The following CCDC150 variants were observed in gnomAD, a reference collection of about 807,000 sequenced individuals.
CCDC150 encodes the protein coiled-coil domain-containing protein 150.
A neutral mutation model predicts 156.5 loss-of-function variants in CCDC150; 151 were observed. The observed-to-expected ratio is 0.97, with a 90% CI of 0.85 to 1.10. CCDC150 has a LOEUF of 1.10. Ranked by LOEUF, CCDC150 falls within the 50% of genes least tolerant of loss-of-function variation. The pLI, the probability that CCDC150 is intolerant of heterozygous loss-of-function variation, is 0.00. For missense variants in CCDC150, 1,312 were observed against 1,268.1 expected (o/e 1.03, Z -0.53); for synonymous variants, 452 against 429.4 (o/e 1.05, Z -0.65).
intron 8 of CCDC150, among the ~76,000 whole-genome samples, chr2:196,670,513 C>T (rs1575797893): frequency 6.6e-6 from 1 of 151,242 alleles, no homozygotes. Context: ...CTACAATGCA[C>T]ATCTGTATCA....
intron 9 of CCDC150, among the ~76,000 whole-genome samples, chr2:196,673,632 C>G (rs1432560642): frequency 1.3e-5 from 2 of 152,044 alleles, no homozygotes; most frequent in Non-Finnish European, 2.9e-5. Flanking sequence ...AAGATCTTTG[C>G]CAAATCTACC....
At position 196,726,224 on chromosome 2, in the gene CCDC150, T is replaced by A. The variant is rs936452523; in HGVS notation, c.2556+125T>A. The A allele has an allele frequency of 1.2e-5, 13 of 1,075,124 alleles. No homozygotes were observed. The African/African-American group carries it at 1.6e-4, about 13-fold the overall frequency. The allele number at this position is 1,075,124 out of a possible 1,614,324, so 66.6% of individuals were successfully genotyped here. The stretch of plus-strand genomic sequence containing the variant: ...ATCCCCCTTTGATCAGCAGGCCAGA[T>A]GTAATTAAGACCTCTCTGTAAAGCA... On this transcript the variant is annotated intron_variant, in intron 22 of 27. Coordinates refer to ENST00000389175, the MANE Select transcript of CCDC150 (RefSeq NM_001080539.2).
intron 13 of CCDC150, among the ~76,000 whole-genome samples, chr2:196,681,332 C>G (rs192895709): frequency 2.0e-5 from 3 of 152,072 alleles, no homozygotes; most frequent in African/African-American, 7.2e-5. Flanking sequence ...TATGTATGTG[C>G]ACGCACACAC....
chr2:196,729,545 C>T, intron 23 of CCDC150, 158 bp downstream of exon 23: 1 of 715,516 alleles, frequency 1.4e-6, no homozygotes. Flanking sequence ...AGTGGAGTCA[C>T]TGCTGTGTAA....
chr2:196,667,174 A>G (rs1575788957), intron 7 of CCDC150: 1 of 338,524 alleles, frequency 3.0e-6, no homozygotes, highest in South Asian at 3.3e-5. Flanking sequence ...ATATTTGATA[A>G]TAGAATATTA....
At chr2:196,650,613 C>G (rs972961344) in intron 2 of CCDC150, among the ~76,000 whole-genome samples, 15 of 152,274 alleles carry the variant, frequency 9.9e-5, no homozygotes, top group Admixed American at 8.5e-4. Context: ...AGGCTGATCT[C>G]AAACTCCTGA....
At chr2:196,716,677 A>C (rs73045579) in intron 17 of CCDC150, among the ~76,000 whole-genome samples, 3 of 152,188 alleles carry the variant, frequency 2.0e-5, no homozygotes, top group Admixed American at 2.0e-4. Flanking sequence ...GAAATGTTCA[A>C]TATCTTAATT....
At position 196,732,727 on chromosome 2, in the gene CCDC150, C is replaced by T. The variant is rs1366779693; in HGVS notation, c.*165C>T. On this transcript the variant is annotated 3_prime_UTR_variant, in exon 28 of 28. Transcript: ENST00000389175. ...CACTTTATGAACTCTTATATCAGTACAAAACTACCCCTTTTTTTGTCCCTT... is the reference window on the plus strand; with the variant it reads ...CACTTTATGAACTCTTATATCAGTATAAAACTACCCCTTTTTTTGTCCCTT... 2 of 461,362 alleles carry T rather than the reference C, an allele frequency of 4.3e-6. No individual in the cohort carries two copies. Among genetic ancestry groups the T allele is most frequent in the Non-Finnish European group, 7.7e-6 (2 of 258,534 alleles). 28.6% of individuals were successfully genotyped at this position (461,362 alleles called of 1,614,324 possible). A position where few individuals can be genotyped will look rare whatever the true frequency, so the allele number is the denominator to read the frequency against.
intron 2 of CCDC150, among the ~76,000 whole-genome samples, chr2:196,647,430 A>G (rs939635130): frequency 1.3e-5 from 2 of 152,126 alleles, no homozygotes; most frequent in African/African-American, 4.8e-5. Flanking sequence ...AACATATTTT[A>G]TCACTTGTTT....
intron 2 of CCDC150, 42 bp from the exon 3 acceptor site, chr2:196,656,591 A>C (rs761524345): frequency 8.1e-6 from 11 of 1,365,562 alleles, no homozygotes; most frequent in Non-Finnish European, 1.1e-5. Flanking sequence ...CCATAGTAGA[A>C]ATTGCATTGC....
chr2:196,716,963 C>T (rs966265274), intron 17 of CCDC150, among the ~76,000 whole-genome samples: 6 of 148,586 alleles, frequency 4.0e-5, no homozygotes, highest in Non-Finnish European at 3.0e-5. Context: ...TGGGTTCAAG[C>T]GATTCTCGTG....
intron 15 of CCDC150, among the ~76,000 whole-genome samples, chr2:196,701,610 G>C (rs1158956346): frequency 1.3e-5 from 2 of 152,168 alleles, no homozygotes; most frequent in Admixed American, 1.3e-4. Flanking sequence ...CAGGAAGCCT[G>C]CAACTGATAT....
At chr2:196,695,609 C>A (rs936774643) in intron 14 of CCDC150, among the ~76,000 whole-genome samples, 4 of 151,922 alleles carry the variant, frequency 2.6e-5, no homozygotes, top group African/African-American at 9.7e-5. Context: ...TTTGGGAGGC[C>A]GAGGCAGGTG....
At chr2:196,683,959 G>A (rs1206200452) in intron 13 of CCDC150, among the ~76,000 whole-genome samples, 1 of 151,900 alleles carries the variant, frequency 6.6e-6, no homozygotes, top group African/African-American at 2.4e-5. Flanking sequence ...GAACCAACTT[G>A]TGGAAGTTTT....
chr2:196,713,143 C>G (rs1055512075), intron 17 of CCDC150: 2 of 664,226 alleles, frequency 3.0e-6, no homozygotes, highest in Admixed American at 3.7e-5. Context: ...TAGATGCGCT[C>G]TCTGACAGGG....
At chr2:196,664,148 C>G (rs1693711328) in intron 5 of CCDC150, among the ~76,000 whole-genome samples, 1 of 152,096 alleles carries the variant, frequency 6.6e-6, no homozygotes, top group Admixed American at 6.5e-5. Context: ...CTTCTGACAC[C>G]TGAAGACACA....
rs369742781 is a variant in CCDC150, at chr2:196,657,042, G to A, written c.482G>A (p.Arg161His). The change falls in exon 4 of 28, where the codon CGC becomes CAC. Residue 161 changes from arginine to histidine, a missense_variant. Coordinates refer to ENST00000389175, the MANE Select transcript of CCDC150 (RefSeq NM_001080539.2). Reference sequence around the variant, plus strand: ...TTGCATCTCGAAGTTATGAATTTGCGCCAGCAACTGAGAGCTGTAAAAGAG... The same window carrying A: ...TTGCATCTCGAAGTTATGAATTTGCACCAGCAACTGAGAGCTGTAAAAGAG... Reference protein sequence around the residue: ...KLLHLEVMNLRQQLRAVKEEE... With the variant: ...KLLHLEVMNLHQQLRAVKEEE... 2.0e-5 allele frequency: 33 copies of A among 1,613,584 alleles called. No homozygotes were observed. The highest frequency in any genetic ancestry group is 1.6e-4 in the Middle Eastern group (1 of 6,082).
Position 196,729,859 on chromosome 2 carries a change from C to G in CCDC150, c.2818C>G (p.Gln940Glu), listed in dbSNP as rs1474998549. The change falls in exon 24 of 28, where the codon CAG becomes GAG. Residue 940 changes from glutamine to glutamate, a missense_variant and splice_region_variant. Gln to Glu is a conservative substitution (Grantham distance 29). Transcript: ENST00000389175. ...KDQYQKKNYE[Q>E]SLSIQRFVCE... ...TCAATATCAGAAAAAGAACTATGAA[C>G]AGGTAGATGATTTCCATATACTCTG... is the stretch of plus-strand genomic sequence containing the variant. 6.2e-7 allele frequency: 1 copy of G among 1,601,302 alleles called. No individual in the cohort carries two copies. Among genetic ancestry groups the G allele is most frequent in the Non-Finnish European group, 8.5e-7 (1 of 1,171,808 alleles).
chr2:196,718,414 A>T, intron 17 of CCDC150, 89 bp from the exon 18 acceptor site: 1 of 1,038,110 alleles, frequency 9.6e-7, no homozygotes, highest in Non-Finnish European at 1.4e-6. Flanking sequence ...AAATATATTT[A>T]AACATTTAAA....
Sources: allele counts gnomAD v4.1 joint callset (sites outside exome capture counted in the v4.1 genomes callset), GRCh38; gene constraint gnomAD v4.1.1; transcripts MANE v1.5; gene names NCBI Gene and HGNC (gene_info 2026-07-23, HGNC 2026-07-21).